Variants in NFIB observed in about 807,000 individuals in gnomAD.
NFIB encodes nuclear factor I B.
A neutral mutation model predicts 61.5 loss-of-function variants in NFIB; 11 were observed. The observed-to-expected ratio is 0.18, with a 90% CI of 0.11 to 0.30. NFIB has a LOEUF of 0.30. Ranked by LOEUF, NFIB falls within the 10% of genes least tolerant of loss-of-function variation. NFIB has a pLI of 1.00. For synonymous variants in NFIB, 260 were observed against 216.5 expected (o/e 1.20, Z -1.76); for missense variants, 471 against 608.9 (o/e 0.77, Z 2.38).
chr9:14,278,706 A>G (rs909332542), intron 2 of NFIB, among the ~76,000 whole-genome samples: 7 of 152,178 alleles, frequency 4.6e-5, no homozygotes, highest in African/African-American at 1.4e-4. Flanking sequence ...GGGAATTTAG[A>G]CTTTTAACCC....
intron 3 of NFIB, among the ~76,000 whole-genome samples, chr9:14,166,968 A>G (rs1437594151): frequency 6.6e-6 from 1 of 150,742 alleles, no homozygotes; most frequent in Admixed American, 6.6e-5. Flanking sequence ...TTTTCTCTGG[A>G]ATTTTTTTCT....
intron 1 of NFIB, among the ~76,000 whole-genome samples, chr9:14,342,291 G>A (rs1287059391): frequency 1.3e-5 from 2 of 152,156 alleles, no homozygotes; most frequent in African/African-American, 4.8e-5. Context: ...GACTACTATA[G>A]GGTCTGCAGT....
chr9:14,156,558 G>C lies in NFIB; in HGVS notation c.617-665C>G, dbSNP rs192604148. ...TTTCAAGAATTAGACAACTTTTCTG[G>C]CAAATGGTGGTGAATCCAGGCCTCT... On this transcript the variant is annotated intron_variant, in intron 3 of 10. Coordinates refer to ENST00000380953, the MANE Select transcript of NFIB (RefSeq NM_001190737.2). Among the ~76,000 whole-genome samples, 115 of 152,220 alleles carry C rather than the reference G, an allele frequency of 7.6e-4. No homozygotes were observed. In the Middle Eastern group the frequency reaches 0.017, roughly 23 times the overall value.
the NFIB span, among the ~76,000 whole-genome samples, chr9:14,518,246 G>A: frequency 6.6e-6 from 1 of 152,180 alleles, no homozygotes; most frequent in African/African-American, 2.4e-5. Context: ...CTATGGCCAT[G>A]GCCCTGTGTT....
chr9:14,267,858 C>G (rs535796129), intron 2 of NFIB, among the ~76,000 whole-genome samples: 1 of 152,106 alleles, frequency 6.6e-6, no homozygotes, highest in Admixed American at 6.5e-5. Flanking sequence ...CAGGGCTGGG[C>G]GCAGTGGCTC....
At chr9:14,484,768 G>C in the NFIB span, among the ~76,000 whole-genome samples, 1 of 152,214 alleles carries the variant, frequency 6.6e-6, no homozygotes, top group African/African-American at 2.4e-5. Flanking sequence ...AATGGTTAAT[G>C]AGACAGATTA....
the NFIB span, among the ~76,000 whole-genome samples, chr9:14,437,657 G>C: frequency 1.1e-4 from 17 of 152,320 alleles, no homozygotes; most frequent in African/African-American, 2.4e-4. Context: ...TAACAGAGGA[G>C]CTGGGAGCTG....
intron 2 of NFIB, chr9:14,306,028 G>A: frequency 1.0e-6 from 1 of 1,002,816 alleles, no homozygotes; most frequent in Non-Finnish European, 1.4e-6. Flanking sequence ...CCTACTTAAG[G>A]AAAATATATT....
chr9:14,515,991 C>T, the NFIB span, among the ~76,000 whole-genome samples: 1 of 152,234 alleles, frequency 6.6e-6, no homozygotes, highest in African/African-American at 2.4e-5. Context: ...TCCAGGGGAG[C>T]GGCTCCGCTT....
At chr9:14,426,187 GA>G in the NFIB span, among the ~76,000 whole-genome samples, 104,624 of 151,738 alleles carry the variant, frequency 0.69, 36,664 homozygotes, top group East Asian at 0.82. Context: ...TTGGCTTAAA[GA>G]AAAAAAATCA....
chr9:14,287,553 G>C (rs1175037459), intron 2 of NFIB, among the ~76,000 whole-genome samples: 1 of 151,898 alleles, frequency 6.6e-6, no homozygotes, highest in Non-Finnish European at 1.5e-5. Flanking sequence ...TTCCCGAGTA[G>C]CTGGGATTAC....
the NFIB span, among the ~76,000 whole-genome samples, chr9:14,439,316 G>A: frequency 3.3e-5 from 5 of 152,206 alleles, no homozygotes; most frequent in Non-Finnish European, 7.3e-5. Context: ...GCTATAGTGA[G>A]CAGAGCTCAC....
chr9:14,454,682 T>C, the NFIB span, among the ~76,000 whole-genome samples: 3 of 152,226 alleles, frequency 2.0e-5, no homozygotes, highest in Non-Finnish European at 4.4e-5. Flanking sequence ...CATCACTTTA[T>C]TGCTGTGGTA....
the NFIB span, among the ~76,000 whole-genome samples, chr9:14,502,394 T>C: frequency 6.7e-4 from 102 of 152,336 alleles, no homozygotes; most frequent in Middle Eastern, 3.4e-3. Context: ...TAAGAATATC[T>C]ACTGATGCCT....
the NFIB span, among the ~76,000 whole-genome samples, chr9:14,526,895 G>A: frequency 6.6e-6 from 1 of 152,116 alleles, no homozygotes; most frequent in Admixed American, 6.5e-5. Flanking sequence ...AAGAGGATAG[G>A]CAGGCACTTG....
chr9:14,166,880 C>T (rs1157465442), intron 3 of NFIB, among the ~76,000 whole-genome samples: 2 of 152,208 alleles, frequency 1.3e-5, no homozygotes, highest in African/African-American at 4.8e-5. Flanking sequence ...GATATTCTTC[C>T]TCATCTCACA....
intron 2 of NFIB, among the ~76,000 whole-genome samples, chr9:14,225,256 T>A (rs2052219934): frequency 6.6e-6 from 1 of 151,808 alleles, no homozygotes; most frequent in Admixed American, 6.6e-5. Context: ...TATAAAAAAA[T>A]ATATAAATCC....
the NFIB span, among the ~76,000 whole-genome samples, chr9:14,493,666 GAAT>G: frequency 6.6e-6 from 1 of 152,154 alleles, no homozygotes; most frequent in Non-Finnish European, 1.5e-5. Flanking sequence ...TTTCTTGCAT[GAAT>G]ATTGACTCTT....
chr9:14,354,888 A>C (rs1207445914), intron 1 of NFIB, among the ~76,000 whole-genome samples: 3 of 151,284 alleles, frequency 2.0e-5, no homozygotes, highest in African/African-American at 7.3e-5. Flanking sequence ...GGGAGTGTGT[A>C]GCCCTTGTCC....
Sources: allele counts gnomAD v4.1 joint callset (sites outside exome capture counted in the v4.1 genomes callset), GRCh38; gene constraint gnomAD v4.1.1; transcripts MANE v1.5; gene names NCBI Gene and HGNC (gene_info 2026-07-23, HGNC 2026-07-21).